SLC6A11: variants seen among roughly 807,000 people sequenced by gnomAD.
The protein encoded by SLC6A11 is sodium- and chloride-dependent GABA transporter 3.
In SLC6A11, 25 loss-of-function variants were observed where a neutral mutation model predicts 74.8. The observed-to-expected ratio is 0.33, with a 90% confidence interval of 0.24 to 0.47. SLC6A11 has a LOEUF of 0.47. Ranked by LOEUF, SLC6A11 falls within the 20% of genes least tolerant of loss-of-function variation. The pLI is 1.00. For synonymous variants in SLC6A11, 330 were observed against 330.2 expected (o/e 1.00, Z 0.01); for missense variants, 574 against 837.0 (o/e 0.69, Z 3.88).
intron 8 of SLC6A11, among the ~76,000 whole-genome samples, chr3:10,923,719 T>C (rs1397564516): frequency 1.3e-5 from 2 of 152,092 alleles, no homozygotes; most frequent in Non-Finnish European, 2.9e-5. Context: ...TTTCATAATC[T>C]CAAAATATTT....
intron 6 of SLC6A11, among the ~76,000 whole-genome samples, chr3:10,887,028 A>G (rs1238746589): frequency 1.3e-5 from 2 of 152,228 alleles, no homozygotes; most frequent in Admixed American, 6.5e-5. Context: ...AGCCTGGTGC[A>G]TGAGAGGCTC....
intron 10 of SLC6A11, among the ~76,000 whole-genome samples, chr3:10,930,778 C>T (rs543722213): frequency 1.1e-4 from 17 of 152,226 alleles, no homozygotes; most frequent in Admixed American, 8.5e-4. Flanking sequence ...CCCAGCTCAC[C>T]GAGTCTCTGA....
chr3:10,846,901 C>G (rs1454018996), intron 5 of SLC6A11, among the ~76,000 whole-genome samples: 2 of 152,188 alleles, frequency 1.3e-5, no homozygotes, highest in Non-Finnish European at 2.9e-5. Context: ...TCCCTGGACT[C>G]TCGATTAAGA....
chr3:10,871,582 G>T (rs748522082), intron 5 of SLC6A11, among the ~76,000 whole-genome samples: 8 of 152,148 alleles, frequency 5.3e-5, no homozygotes, highest in South Asian at 2.1e-4. Context: ...AATCAAGAAT[G>T]TATATGAAAT....
At chr3:10,823,867 G>T (rs563776175) in intron 4 of SLC6A11, 13 of 165,992 alleles carry the variant, frequency 7.8e-5, no homozygotes, top group Non-Finnish European at 1.3e-4. Flanking sequence ...TCAAATGTGC[G>T]TAGGGAAGAA....
At chr3:10,888,909 T>C (rs747494745) in intron 6 of SLC6A11, among the ~76,000 whole-genome samples, 10 of 152,218 alleles carry the variant, frequency 6.6e-5, no homozygotes, top group South Asian at 2.1e-4. Context: ...AGGAGAAATT[T>C]ACCAAGTATC....
chr3:10,932,051 CTT>C (rs59760722), intron 10 of SLC6A11, among the ~76,000 whole-genome samples: 55,190 of 151,862 alleles, frequency 0.36, 10,689 homozygotes, highest in African/African-American at 0.48. Flanking sequence ...CTCTTTGACA[CTT>C]TTATTTCCCC....
At chr3:10,930,737 G>A (rs1267277722) in intron 10 of SLC6A11, among the ~76,000 whole-genome samples, 1 of 151,868 alleles carries the variant, frequency 6.6e-6, no homozygotes, top group African/African-American at 2.4e-5. Context: ...GGTGGTGGAG[G>A]GTGCTTCTTG....
Position 10,918,576 on chromosome 3 carries a change from C to A in SLC6A11, c.1120+123C>A. On this transcript the variant is annotated intron_variant, in intron 8 of 13. Transcript: ENST00000254488. The surrounding 1 kb of genome is among the most constrained non-coding windows in gnomAD (Gnocchi z 4.5). ...CCTGGATTCAGGCCTCAGAAAGGGG[C>A]CCCACCATTCATCCACAATCCAGGA... 2 of 1,079,028 alleles carry A rather than the reference C, an allele frequency of 1.9e-6. No individual in the cohort carries two copies. Among genetic ancestry groups the A allele is most frequent in the Non-Finnish European group, 2.6e-6 (2 of 780,530 alleles). 66.8% of individuals were successfully genotyped at this position (1,079,028 alleles called of 1,614,324 possible).
chr3:10,927,942 G>C (rs986985516), intron 9 of SLC6A11, among the ~76,000 whole-genome samples: 1 of 152,232 alleles, frequency 6.6e-6, no homozygotes, highest in Non-Finnish European at 1.5e-5. Context: ...AGGCAGGGCA[G>C]TGGGGTGGGT....
At chr3:10,936,315 C>A (rs989259567) in intron 13 of SLC6A11, among the ~76,000 whole-genome samples, 5 of 152,228 alleles carry the variant, frequency 3.3e-5, no homozygotes, top group African/African-American at 1.2e-4. Context: ...AGCAGAGACT[C>A]CGGCTTGTGT....
intron 10 of SLC6A11, among the ~76,000 whole-genome samples, chr3:10,929,852 T>C (rs560073161): frequency 2.0e-5 from 3 of 152,282 alleles, no homozygotes; most frequent in African/African-American, 7.2e-5. Context: ...GCTTGCAGGT[T>C]AGGAGAGGTT....
chr3:10,829,691 C>T (rs900077248), intron 4 of SLC6A11, among the ~76,000 whole-genome samples: 5 of 152,132 alleles, frequency 3.3e-5, no homozygotes, highest in Admixed American at 2.6e-4. Context: ...GTATGGTAAA[C>T]GTACCCACCC....
At chr3:10,914,260 C>T (rs545517461) in intron 7 of SLC6A11, among the ~76,000 whole-genome samples, 1 of 152,276 alleles carries the variant, frequency 6.6e-6, no homozygotes, top group South Asian at 2.1e-4. Context: ...AGGGCCTTGA[C>T]TCTGACTGGG....
At chr3:10,937,313 C>G (rs1695770656) in intron 13 of SLC6A11, among the ~76,000 whole-genome samples, 1 of 152,202 alleles carries the variant, frequency 6.6e-6, no homozygotes, top group African/African-American at 2.4e-5. Context: ...AACGCGTGCT[C>G]TAGCCCCAGA....
intron 6 of SLC6A11, among the ~76,000 whole-genome samples, chr3:10,879,016 A>G (rs1694944338): frequency 6.6e-6 from 1 of 152,180 alleles, no homozygotes; most frequent in Admixed American, 6.5e-5. Flanking sequence ...CAAGGTCTGT[A>G]TCTGCCTTTC....
intron 5 of SLC6A11, 86 bp from the exon 6 acceptor site, chr3:10,874,875 C>T: frequency 3.7e-6 from 5 of 1,342,540 alleles, no homozygotes; most frequent in South Asian, 3.1e-5. Flanking sequence ...CCTGGTGCAA[C>T]ATGCACCCAA....
At chr3:10,859,699 T>A (rs1694681014) in intron 5 of SLC6A11, among the ~76,000 whole-genome samples, 1 of 152,226 alleles carries the variant, frequency 6.6e-6, no homozygotes, top group Non-Finnish European at 1.5e-5. Context: ...TATCGTCTTA[T>A]TTTTAAGGGA....
At chr3:10,846,856 T>C (rs1694511787) in intron 5 of SLC6A11, among the ~76,000 whole-genome samples, 1 of 152,122 alleles carries the variant, frequency 6.6e-6, no homozygotes. Context: ...TGACCCTGCC[T>C]CAACACTGAC....
Sources: allele counts gnomAD v4.1 joint callset (sites outside exome capture counted in the v4.1 genomes callset), GRCh38; gene constraint gnomAD v4.1.1; non-coding constraint Gnocchi (gnomAD v3.1); transcripts MANE v1.5; gene names NCBI Gene and HGNC (gene_info 2026-07-23, HGNC 2026-07-21).